Variants in TBC1D22A observed in about 807,000 individuals in gnomAD.
The protein encoded by TBC1D22A is TBC1 domain family member 22A.
A neutral mutation model predicts 60.2 loss-of-function variants in TBC1D22A; 38 were observed. That is an observed-to-expected ratio of 0.63 (90% CI 0.49 to 0.83). The LOEUF is 0.83. TBC1D22A is among the 40% of genes least tolerant of loss of function. The pLI, the probability that TBC1D22A is intolerant of heterozygous loss-of-function variation, is 0.00. For synonymous variants in TBC1D22A, 302 were observed against 281.7 expected, an observed-to-expected ratio of 1.07 and a Z score of -0.72; for missense variants, 628 against 701.0, an observed-to-expected ratio of 0.90 and a Z score of 1.18.
At chr22:46,936,697 G>A (rs548263675) in intron 8 of TBC1D22A, among the ~76,000 whole-genome samples, 2 of 152,222 alleles carry the variant, frequency 1.3e-5, no homozygotes, top group Admixed American at 6.5e-5. Flanking sequence ...AGGTGTGAAC[G>A]GGAGCCTCAC....
chr22:47,090,369 T>C (rs937802851), intron 11 of TBC1D22A, among the ~76,000 whole-genome samples: 15 of 152,202 alleles, frequency 9.9e-5, no homozygotes, highest in African/African-American at 7.2e-5. Context: ...TGCATAGACA[T>C]TTCTGCCTGG....
chr22:46,959,752 A>T (rs999107249), intron 8 of TBC1D22A, among the ~76,000 whole-genome samples: 1 of 152,154 alleles, frequency 6.6e-6, no homozygotes, highest in East Asian at 1.9e-4. Flanking sequence ...GGCACCCGTC[A>T]GTTCACTCTT....
intron 11 of TBC1D22A, among the ~76,000 whole-genome samples, chr22:47,077,877 G>T (rs1465760882): frequency 1.3e-5 from 2 of 152,186 alleles, no homozygotes; most frequent in African/African-American, 4.8e-5. Flanking sequence ...GATTTGAAAA[G>T]GTTAAAAGGA....
chr22:46,813,042 G>A (rs542791265), intron 4 of TBC1D22A, among the ~76,000 whole-genome samples: 2 of 152,118 alleles, frequency 1.3e-5, no homozygotes, highest in Admixed American at 6.5e-5. Context: ...TCTCCCAGGC[G>A]GCTCCGCAGG....
At chr22:46,939,762 G>C (rs2071873835) in intron 8 of TBC1D22A, among the ~76,000 whole-genome samples, 1 of 152,188 alleles carries the variant, frequency 6.6e-6, no homozygotes, top group Admixed American at 6.5e-5. Flanking sequence ...AAGTAACGAG[G>C]AGCTAAAACC....
intron 1 of TBC1D22A, chr22:46,774,060 T>G (rs1480786463): frequency 1.0e-6 from 1 of 985,490 alleles, no homozygotes; most frequent in East Asian, 1.1e-4. Context: ...TGGGCTGGCT[T>G]GGGTGGAGGT....
At chr22:46,831,954 C>T (rs2086326975) in intron 4 of TBC1D22A, among the ~76,000 whole-genome samples, 1 of 123,746 alleles carries the variant, frequency 8.1e-6, no homozygotes. Context: ...TTGGAAGGTC[C>T]TTTCCCCCCT....
At chr22:47,153,142 C>T (rs2067573957) in intron 12 of TBC1D22A, among the ~76,000 whole-genome samples, 1 of 152,118 alleles carries the variant, frequency 6.6e-6, no homozygotes, top group Admixed American at 6.5e-5. Context: ...GAAACTCCAG[C>T]CATTGCATCC....
At chr22:47,021,270 AC>A (rs1487712672) in intron 10 of TBC1D22A, among the ~76,000 whole-genome samples, 1 of 139,454 alleles carries the variant, frequency 7.2e-6, no homozygotes, top group Non-Finnish European at 1.5e-5. Context: ...ACCTAGCAGA[AC>A]CCCACCTGTA....
chr22:47,141,430 T>TA (rs1316638073), intron 12 of TBC1D22A, among the ~76,000 whole-genome samples: 2 of 152,192 alleles, frequency 1.3e-5, no homozygotes, highest in Non-Finnish European at 2.9e-5. Flanking sequence ...GCCTTCCCCT[T>TA]ACGCACGCAT....
intron 11 of TBC1D22A, among the ~76,000 whole-genome samples, chr22:47,107,153 A>T (rs1258488572): frequency 1.3e-5 from 2 of 152,218 alleles, no homozygotes; most frequent in Non-Finnish European, 2.9e-5. Flanking sequence ...GGGCTATTAA[A>T]ATAATAGAAA....
chr22:47,024,725 C>T (rs766804356), intron 10 of TBC1D22A, among the ~76,000 whole-genome samples: 6 of 151,962 alleles, frequency 3.9e-5, no homozygotes, highest in African/African-American at 4.8e-5. Context: ...TAGTGGCAGA[C>T]GTGTGCCTGT....
intron 12 of TBC1D22A, among the ~76,000 whole-genome samples, chr22:47,154,803 T>A (rs1167889825): frequency 6.6e-6 from 1 of 152,192 alleles, no homozygotes; most frequent in Non-Finnish European, 1.5e-5. Context: ...GGCCCCCTCC[T>A]GGTGATTTCT....
chr22:46,911,117 GTTGCACC>G (rs1403917858), intron 7 of TBC1D22A, among the ~76,000 whole-genome samples: 1 of 152,064 alleles, frequency 6.6e-6, no homozygotes, highest in African/African-American at 2.4e-5. Context: ...ATAGGATTGT[GTTGCACC>G]TTGGTATAAT....
chr22:47,077,076 A>G (rs958030615), intron 11 of TBC1D22A, among the ~76,000 whole-genome samples: 5 of 152,224 alleles, frequency 3.3e-5, no homozygotes, highest in Admixed American at 2.6e-4. Flanking sequence ...GGCTGTTCTT[A>G]GCTGAAAAGG....
chr22:47,043,097 G>T (rs1345003318), intron 11 of TBC1D22A, among the ~76,000 whole-genome samples: 1 of 152,236 alleles, frequency 6.6e-6, no homozygotes, highest in Non-Finnish European at 1.5e-5. Context: ...GCTGTCGAGG[G>T]CTCTTTTCTC....
At chr22:46,931,763 G>A (rs2071364298) in intron 8 of TBC1D22A, among the ~76,000 whole-genome samples, 1 of 152,138 alleles carries the variant, frequency 6.6e-6, no homozygotes, top group African/African-American at 2.4e-5. Context: ...TCCCTTTAAA[G>A]CCATACTGAG....
chr22:47,023,855 G>T (rs985913315), intron 10 of TBC1D22A, among the ~76,000 whole-genome samples: 12 of 152,242 alleles, frequency 7.9e-5, no homozygotes, highest in Non-Finnish European at 1.5e-5. Context: ...AAACTTGCAG[G>T]TGGAAGGAAT....
At chr22:46,922,405 C>CA (rs2070810197) in intron 8 of TBC1D22A, among the ~76,000 whole-genome samples, 1 of 152,092 alleles carries the variant, frequency 6.6e-6, no homozygotes, top group South Asian at 2.1e-4. Context: ...TTTGGCTATT[C>CA]AGGTTCTTTT....
Sources: allele counts gnomAD v4.1 joint callset (sites outside exome capture counted in the v4.1 genomes callset), GRCh38; gene constraint gnomAD v4.1.1; transcripts MANE v1.5; gene names NCBI Gene and HGNC (gene_info 2026-07-23, HGNC 2026-07-21).